The following LRRC8D variants were observed in gnomAD, a reference collection of about 807,000 sequenced individuals.
The protein encoded by LRRC8D is leucine rich repeat containing 8 VRAC subunit D.
A neutral mutation model predicts 55.8 loss-of-function variants in LRRC8D; 20 were observed. The ratio of observed to expected loss-of-function variants is 0.36; its 90% CI spans 0.25 to 0.52. The LOEUF (loss-of-function observed/expected upper bound fraction) is 0.52, where lower values mean the gene tolerates loss of function less well. Ranked by LOEUF, LRRC8D falls within the 20% of genes least tolerant of loss-of-function variation. The pLI is 0.93. For missense variants in LRRC8D, 651 were observed against 1,030.8 expected, an observed-to-expected ratio of 0.63 and a Z score of 5.05; for synonymous variants, 352 against 377.0, an observed-to-expected ratio of 0.93 and a Z score of 0.77.
At chr1:89,837,984 A>G (rs1661038584) in intron 1 of LRRC8D, among the ~76,000 whole-genome samples, 1 of 152,200 alleles carries the variant, frequency 6.6e-6, no homozygotes, top group African/African-American at 2.4e-5. Context: ...AACACTTCTT[A>G]ATAATGAACA....
In LRRC8D at chr1:89,933,970, G is replaced by T; in HGVS notation, c.902G>T (p.Ser301Ile). Residue 301 changes from serine to isoleucine, a missense_variant, in exon 3 of 3, where the codon AGT becomes ATT. By Grantham distance (142) the Ser-to-Ile change is moderately radical. Transcript: ENST00000337338. The surrounding 1 kb of genome is among the most constrained non-coding windows in gnomAD (Gnocchi z 7.0). ...VRKFRAHVED[S>I]DLIYKLYVVQ... is the part of the protein sequence containing the mutation. ...AAGTTCCGTGCCCATGTGGAAGATA[G>T]TGACTTGATCTATAAACTCTATGTG... is the stretch of plus-strand genomic sequence containing the variant. 6.2e-7 allele frequency: 1 copy of T among 1,614,168 alleles called. No individual in the cohort carries two copies. Among genetic ancestry groups the T allele is most frequent in the Non-Finnish European group, 8.5e-7 (1 of 1,180,012 alleles).
chr1:89,835,915 T>G lies in LRRC8D; in HGVS notation c.-147-7723T>G, dbSNP rs1353124875. ...AAAAAATAACTGTACAAATTATGATTGAGAGTAGTAAGGGTGACATATTAG... is the reference window on the plus strand; with the variant it reads ...AAAAAATAACTGTACAAATTATGATGGAGAGTAGTAAGGGTGACATATTAG... On this transcript the variant is annotated intron_variant, in intron 1 of 2. Coordinates refer to ENST00000337338, the MANE Select transcript of LRRC8D (RefSeq NM_001134479.2). Among the ~76,000 whole-genome samples, 3 of 152,236 alleles carry G rather than the reference T, an allele frequency of 2.0e-5. No individual in the cohort carries two copies. The East Asian group carries it at 5.8e-4, about 29-fold the overall frequency.
Position 89,933,387 on chromosome 1 carries a change from C to G in LRRC8D, c.319C>G (p.Pro107Ala). The G allele has an allele frequency of 6.2e-7, 1 of 1,614,142 alleles. No homozygotes were observed. Among genetic ancestry groups the G allele is most frequent in the Non-Finnish European group, 8.5e-7 (1 of 1,180,036 alleles). Residue 107 changes from proline (P) to alanine (A), a missense_variant, in exon 3 of 3, where the codon CCT becomes GCT. Physicochemically the swap from Pro to Ala is conservative, Grantham distance 27. Transcript: ENST00000337338. The surrounding 1 kb of genome is among the most constrained non-coding windows in gnomAD (Gnocchi z 7.0). ...DISFGTSAVT[P>A]DIPLRATYPR... ...TTCCTTTGGGACATCTGCTGTGACA[C>G]CTGACATACCTCTCAGAGCCACATA...
intron 2 of LRRC8D, among the ~76,000 whole-genome samples, chr1:89,896,517 G>A (rs1662717603): frequency 6.6e-6 from 1 of 152,122 alleles, no homozygotes; most frequent in Non-Finnish European, 1.5e-5. Flanking sequence ...TTGGCAGGGA[G>A]AGAGAGGCTG....
At chr1:89,914,328 G>A (rs968490279) in intron 2 of LRRC8D, among the ~76,000 whole-genome samples, 2 of 152,294 alleles carry the variant, frequency 1.3e-5, no homozygotes, top group East Asian at 1.9e-4. Flanking sequence ...CTTGGTTCCC[G>A]CTCACGCCTC....
intron 2 of LRRC8D, among the ~76,000 whole-genome samples, chr1:89,899,994 G>C (rs1662810177): frequency 6.6e-6 from 1 of 152,206 alleles, no homozygotes; most frequent in African/African-American, 2.4e-5. Context: ...AATGAATTAT[G>C]ATCCCTGCCC....
chr1:89,861,802 A>G (rs150387950), intron 2 of LRRC8D, among the ~76,000 whole-genome samples: 4 of 152,350 alleles, frequency 2.6e-5, no homozygotes, highest in East Asian at 1.9e-4. Context: ...GTAGAAATCT[A>G]TGCTGGTAAC....
At chr1:89,865,394 A>C (rs911196192) in intron 2 of LRRC8D, among the ~76,000 whole-genome samples, 2 of 149,216 alleles carry the variant, frequency 1.3e-5, no homozygotes, top group African/African-American at 4.9e-5. Flanking sequence ...AAAACTATTA[A>C]ACATTTTAAA....
chr1:89,918,316 C>G (rs1474208167), intron 2 of LRRC8D, among the ~76,000 whole-genome samples: 1 of 152,212 alleles, frequency 6.6e-6, no homozygotes, highest in Admixed American at 6.5e-5. Context: ...CAGTGCTTAC[C>G]ATGTGCTGGG....
intron 2 of LRRC8D, among the ~76,000 whole-genome samples, chr1:89,872,724 C>A (rs917628347): frequency 3.9e-5 from 6 of 152,116 alleles, no homozygotes; most frequent in Non-Finnish European, 7.4e-5. Flanking sequence ...TGGGTTTTTG[C>A]AGTCTCTCCC....
At chr1:89,918,155 C>T (rs1663320463) in intron 2 of LRRC8D, among the ~76,000 whole-genome samples, 1 of 152,164 alleles carries the variant, frequency 6.6e-6, no homozygotes, top group Non-Finnish European at 1.5e-5. Flanking sequence ...GAACCCAAAG[C>T]CAAGTGGAGA....
chr1:89,933,111 C>T lies in LRRC8D; in HGVS notation c.43C>T (p.Pro15Ser). Residue 15 changes from proline (P) to serine (S), a missense_variant, in exon 3 of 3, where the codon CCA (proline) becomes TCA (serine). Physicochemically the swap from Pro to Ser is moderately conservative, Grantham distance 74. This residue lies in a region of LRRC8D where 15 missense variants were observed against 22.0 expected (regional missense o/e 0.68). Coordinates refer to ENST00000337338, the MANE Select transcript of LRRC8D (RefSeq NM_001134479.2). This position sits in a 1 kb window ranked among gnomAD's most constrained non-coding sequence, Gnocchi z 7.0. ...AEVASLNDIQPTYRILKPWWD... is the reference protein window; with the variant it reads ...AEVASLNDIQSTYRILKPWWD... The stretch of plus-strand genomic sequence containing the variant: ...AGTTGCATCACTTAATGACATTCAG[C>T]CAACTTACCGAATCCTGAAACCATG... The T allele has an allele frequency of 6.2e-7, 1 of 1,612,936 alleles. No individual in the cohort carries two copies. The highest frequency in any genetic ancestry group is 1.1e-5 in the South Asian group (1 of 91,056).
chr1:89,837,736 A>T (rs1363182029), intron 1 of LRRC8D, among the ~76,000 whole-genome samples: 4 of 152,272 alleles, frequency 2.6e-5, no homozygotes, highest in African/African-American at 9.6e-5. Flanking sequence ...TTAAAAGTTC[A>T]TAATAAAGTT....
At position 89,934,674 on chromosome 1, in the gene LRRC8D, C is replaced by G; in HGVS notation, c.1606C>G (p.Arg536Gly). The change falls in exon 3 of 3, where the codon CGC (arginine) becomes GGC (glycine). Residue 536 changes from arginine to glycine, a missense_variant. Physicochemically the swap from Arg to Gly is moderately radical, Grantham distance 125. Around this residue, in one of 5 missense-constraint regions of LRRC8D, gnomAD observed 338 missense variants for 479.4 expected, o/e 0.71. Transcript: ENST00000337338. This position sits in a 1 kb window ranked among gnomAD's most constrained non-coding sequence, Gnocchi z 5.9. ...TGAACAGACTGCTTTTAGCTTTCTT[C>G]GCGATCACTTGAGATGCCTTCACGT... Reference protein sequence around the residue: ...KVEQTAFSFLRDHLRCLHVKF... With the variant: ...KVEQTAFSFLGDHLRCLHVKF... The G allele has an allele frequency of 6.2e-7, 1 of 1,614,184 alleles. No individual in the cohort carries two copies. The highest frequency in any genetic ancestry group is 8.5e-7 in the Non-Finnish European group (1 of 1,180,036).
In LRRC8D at chr1:89,851,071, T is replaced by G. The variant is rs538859506; in HGVS notation, c.-3+7289T>G. 1.2e-3 allele frequency among the ~76,000 whole-genome samples: 122 copies of G among 104,940 alleles called. No individual in the cohort carries two copies. The South Asian group carries it at 0.012, about 10-fold the overall frequency. 68.8% of individuals were successfully genotyped at this position (104,940 alleles called of 152,430 possible). ...TTACATTTTCTTCTGTTTTTTTGTG[T>G]TTTTTTTTTTGTCTTTTCTTTTCTT... On this transcript the variant is annotated intron_variant, in intron 2 of 2. Transcript: ENST00000337338.
At chr1:89,849,004 C>T (rs540321302) in intron 2 of LRRC8D, among the ~76,000 whole-genome samples, 1 of 152,092 alleles carries the variant, frequency 6.6e-6, no homozygotes, top group Non-Finnish European at 1.5e-5. Context: ...GGCCAATAAC[C>T]CTGTTTTATG....
chr1:89,889,147 T>G (rs1196683333), intron 2 of LRRC8D, among the ~76,000 whole-genome samples: 2 of 152,148 alleles, frequency 1.3e-5, no homozygotes, highest in Non-Finnish European at 2.9e-5. Flanking sequence ...TGATATGATG[T>G]GATGAGAATG....
chr1:89,857,200 T>C (rs1252042616), intron 2 of LRRC8D, among the ~76,000 whole-genome samples: 2 of 151,710 alleles, frequency 1.3e-5, no homozygotes, highest in African/African-American at 4.8e-5. Flanking sequence ...CTGACCAACA[T>C]GGAGAAACCC....
intron 2 of LRRC8D, among the ~76,000 whole-genome samples, chr1:89,852,886 G>T (rs977866860): frequency 2.6e-5 from 4 of 152,202 alleles, no homozygotes; most frequent in African/African-American, 9.7e-5. Flanking sequence ...GAGGCTGGAG[G>T]TGCCTACTGG....
Sources: allele counts gnomAD v4.1 joint callset (sites outside exome capture counted in the v4.1 genomes callset), GRCh38; gene constraint gnomAD v4.1.1; regional missense constraint gnomAD v4.1.1; non-coding constraint Gnocchi (gnomAD v3.1); transcripts MANE v1.5; gene names NCBI Gene and HGNC (gene_info 2026-07-23, HGNC 2026-07-21).